The following ADCY2 variants were observed in gnomAD, a reference collection of about 807,000 sequenced individuals.
ADCY2 encodes the protein adenylate cyclase 2.
ADCY2 carries 31 observed loss-of-function variants against 125.2 expected under a neutral mutation model. The observed-to-expected ratio is 0.25, with a 90% CI of 0.19 to 0.33. The LOEUF is 0.33. Among genes scored for constraint, ADCY2 ranks in the 10% least tolerant of loss-of-function variants. The probability of loss-of-function intolerance (pLI) is 1.00; values close to 1 mark genes in which losing one functional copy is unlikely to be tolerated. For synonymous variants in ADCY2, 512 were observed against 548.4 expected (o/e 0.93, Z 0.93); for missense variants, 904 against 1,418.2 (o/e 0.64, Z 5.82).
intron 2 of ADCY2, among the ~76,000 whole-genome samples, chr5:7,445,476 A>G (rs1030010683): frequency 6.6e-6 from 1 of 152,228 alleles, no homozygotes; most frequent in South Asian, 2.1e-4. Context: ...CTTTTATAAT[A>G]TTACACATTT....
intron 4 of ADCY2, among the ~76,000 whole-genome samples, chr5:7,689,966 A>G (rs1435282010): frequency 1.3e-5 from 2 of 152,218 alleles, no homozygotes; most frequent in African/African-American, 4.8e-5. Flanking sequence ...GGAGAATGAG[A>G]AAATGCCACT....
intron 20 of ADCY2, among the ~76,000 whole-genome samples, chr5:7,790,829 C>T (rs571072765): frequency 1.1e-3 from 167 of 152,242 alleles, no homozygotes; most frequent in Non-Finnish European, 1.8e-3. Flanking sequence ...ACGGGGTAGA[C>T]AAGAGATGGT....
chr5:7,780,585 A>G (rs949841394), intron 18 of ADCY2, among the ~76,000 whole-genome samples: 8 of 152,116 alleles, frequency 5.3e-5, no homozygotes, highest in Non-Finnish European at 8.8e-5. Flanking sequence ...CGATTTTTTT[A>G]TTTATCCCAA....
rs191911624 is a variant in ADCY2, at chr5:7,661,005, T to C, written c.721-29686T>C. Among the ~76,000 whole-genome samples, 153 of 152,336 alleles carry C rather than the reference T, an allele frequency of 1.0e-3. 1 individual carries two copies. The highest frequency in any genetic ancestry group is 3.4e-3 in the Middle Eastern group (1 of 294). ...AGAAACTCAAAAAATCTTCACTGCA[T>C]GACTGGCTTCCCTAAGTCCCAAGGC... On this transcript the variant is annotated intron_variant, in intron 4 of 24. Coordinates refer to ENST00000338316, the MANE Select transcript of ADCY2 (RefSeq NM_020546.3).
At chr5:7,622,337 A>G (rs957658311) in intron 3 of ADCY2, among the ~76,000 whole-genome samples, 7 of 152,250 alleles carry the variant, frequency 4.6e-5, no homozygotes, top group African/African-American at 1.7e-4. Context: ...TGCCAAGGTC[A>G]ATTCAATTAA....
At chr5:7,555,659 T>C (rs1644645875) in intron 3 of ADCY2, among the ~76,000 whole-genome samples, 1 of 152,216 alleles carries the variant, frequency 6.6e-6, no homozygotes, top group African/African-American at 2.4e-5. Flanking sequence ...GTATAATTTA[T>C]TTTAGGAATA....
chr5:7,699,081 A>ATTTTTTTCTTTTTTTTTTT (rs1740991113), intron 7 of ADCY2, among the ~76,000 whole-genome samples: 1 of 37,964 alleles, frequency 2.6e-5, no homozygotes, highest in Non-Finnish European at 4.7e-5. Flanking sequence ...AACAGTAAGC[A>ATTTTTTTCTTTTTTTTTTT]TTTTTTTTTT....
chr5:7,638,338 C>T (rs945475351), intron 4 of ADCY2, among the ~76,000 whole-genome samples: 1 of 152,156 alleles, frequency 6.6e-6, no homozygotes, highest in Non-Finnish European at 1.5e-5. Flanking sequence ...TCAGAGCCAT[C>T]TGATAGAATT....
At chr5:7,426,043 C>T (rs148640907) in intron 2 of ADCY2, among the ~76,000 whole-genome samples, 3 of 152,084 alleles carry the variant, frequency 2.0e-5, no homozygotes, top group African/African-American at 7.2e-5. Flanking sequence ...GACTCAGAGG[C>T]GAGGTAGTAA....
At chr5:7,574,847 A>G (rs1189650395) in intron 3 of ADCY2, among the ~76,000 whole-genome samples, 1 of 152,242 alleles carries the variant, frequency 6.6e-6, no homozygotes, top group Non-Finnish European at 1.5e-5. Flanking sequence ...TTGAATTAGA[A>G]TGGCAAAGAT....
intron 22 of ADCY2, among the ~76,000 whole-genome samples, chr5:7,816,268 G>A (rs1224631724): frequency 6.6e-6 from 1 of 152,240 alleles, no homozygotes; most frequent in Middle Eastern, 3.2e-3. Context: ...CTGCAGTGCA[G>A]AGACAGTAGC....
chr5:7,440,704 G>A (rs1308278639), intron 2 of ADCY2, among the ~76,000 whole-genome samples: 1 of 151,694 alleles, frequency 6.6e-6, no homozygotes, highest in African/African-American at 2.4e-5. Flanking sequence ...AAATTTCTTA[G>A]AGATAGGAAA....
chr5:7,408,482 C>T (rs183025554), intron 1 of ADCY2, among the ~76,000 whole-genome samples: 3 of 152,072 alleles, frequency 2.0e-5, no homozygotes, highest in African/African-American at 7.2e-5. Context: ...ATTCTGTTGC[C>T]TCAGCCTCCT....
At position 7,458,896 on chromosome 5, in the gene ADCY2, G is replaced by A. The variant is rs576670924; in HGVS notation, c.408+44126G>A. Among the ~76,000 whole-genome samples the A allele has an allele frequency of 6.6e-5, 10 of 152,244 alleles. No individual in the cohort carries two copies. In the South Asian group the frequency reaches 1.7e-3, roughly 25 times the overall value. Reference sequence around the variant, plus strand: ...ACACAAGAAGGGCTGATAGAGGGCCGCTCATTAGGATGGCTGCTCACGGGA... The same window carrying A: ...ACACAAGAAGGGCTGATAGAGGGCCACTCATTAGGATGGCTGCTCACGGGA... On this transcript the variant is annotated intron_variant, in intron 2 of 24. Coordinates refer to ENST00000338316, the MANE Select transcript of ADCY2 (RefSeq NM_020546.3).
At chr5:7,625,855 TG>T (rs1738100938) in intron 3 of ADCY2, among the ~76,000 whole-genome samples, 1 of 152,214 alleles carries the variant, frequency 6.6e-6, no homozygotes, top group Admixed American at 6.5e-5. Flanking sequence ...AATCCTGGGC[TG>T]GATCTAGCTC....
chr5:7,473,813 T>G (rs780443590), intron 2 of ADCY2, among the ~76,000 whole-genome samples: 2 of 152,204 alleles, frequency 1.3e-5, no homozygotes, highest in Non-Finnish European at 2.9e-5. Context: ...TATGAATGCT[T>G]GGTGGAGGCC....
intron 3 of ADCY2, 148 bp from the exon 4 acceptor site, chr5:7,626,019 C>A: frequency 1.1e-6 from 1 of 919,186 alleles, no homozygotes; most frequent in Non-Finnish European, 1.6e-6. Flanking sequence ...TTCTGTTAAG[C>A]AAATAAAAAT....
At chr5:7,410,017 T>G (rs1739649068) in intron 1 of ADCY2, among the ~76,000 whole-genome samples, 1 of 152,232 alleles carries the variant, frequency 6.6e-6, no homozygotes, top group Non-Finnish European at 1.5e-5. Context: ...CCATTTGTAG[T>G]CAAATGTTTA....
At chr5:7,569,580 G>C (rs1418220905) in intron 3 of ADCY2, among the ~76,000 whole-genome samples, 1 of 152,146 alleles carries the variant, frequency 6.6e-6, no homozygotes, top group Non-Finnish European at 1.5e-5. Flanking sequence ...GGGTACTCCA[G>C]ATAGTTAGCT....
Sources: gnomAD v4.1 joint callset for allele counts (sites outside exome capture counted in the v4.1 genomes callset) on GRCh38, gnomAD v4.1.1 for gene constraint, MANE v1.5 for transcripts, NCBI Gene and HGNC (gene_info 2026-07-23, HGNC 2026-07-21) for gene names.